The following COX7B2 variants were observed in gnomAD, a reference collection of about 807,000 sequenced individuals.
COX7B2 encodes cytochrome c oxidase subunit 7B2, mitochondrial.
For synonymous variants in COX7B2, 37 were observed against 32.1 expected (o/e 1.15, Z -0.51); for missense variants, 109 against 95.9 (o/e 1.14, Z -0.57).
At chr4:46,791,815 C>G (rs181815486) in intron 2 of COX7B2, among the ~76,000 whole-genome samples, 1 of 152,208 alleles carries the variant, frequency 6.6e-6, no homozygotes, top group Non-Finnish European at 1.5e-5. Flanking sequence ...AACAGGATCC[C>G]TGTATCTGTT....
intron 1 of COX7B2, among the ~76,000 whole-genome samples, chr4:46,863,906 C>T (rs1717489016): frequency 6.6e-6 from 1 of 152,158 alleles, no homozygotes; most frequent in Non-Finnish European, 1.5e-5. Flanking sequence ...GAGTGTTGAG[C>T]AACCTCCATT....
chr4:46,875,556 A>G (rs991744763), intron 1 of COX7B2, among the ~76,000 whole-genome samples: 7 of 152,046 alleles, frequency 4.6e-5, no homozygotes, highest in African/African-American at 1.7e-4. Flanking sequence ...TACCACTTTC[A>G]TCATGTCACA....
intron 2 of COX7B2, among the ~76,000 whole-genome samples, chr4:46,836,356 T>G (rs1460353382): frequency 6.6e-6 from 1 of 151,964 alleles, no homozygotes. Context: ...TTAAAAAATT[T>G]TTTTTTTATA....
chr4:46,787,505 G>A lies in COX7B2; in HGVS notation c.-49-52264C>T, dbSNP rs545368618. 2.5e-4 allele frequency among the ~76,000 whole-genome samples: 38 copies of A among 152,150 alleles called. 1 individual carries two copies. The South Asian group carries it at 6.0e-3, about 24-fold the overall frequency. On this transcript the variant is annotated intron_variant, in intron 2 of 2. Coordinates refer to ENST00000355591, the MANE Select transcript of COX7B2 (RefSeq NM_130902.3). The stretch of plus-strand genomic sequence containing the variant: ...TGACAGCTCTTTCATACCTCATTTG[G>A]TACTTTCACCAGAACGGCTGGCACA...
At chr4:46,897,778 A>T (rs1719848584) in intron 1 of COX7B2, among the ~76,000 whole-genome samples, 1 of 152,160 alleles carries the variant, frequency 6.6e-6, no homozygotes, top group South Asian at 2.1e-4. Flanking sequence ...GACACAAGAG[A>T]TCAGGTCCCC....
intron 2 of COX7B2, among the ~76,000 whole-genome samples, chr4:46,748,511 A>G (rs1277565969): frequency 6.6e-6 from 1 of 152,176 alleles, no homozygotes; most frequent in East Asian, 1.9e-4. Flanking sequence ...ACAACTATTC[A>G]AAAAACCTTG....
At chr4:46,887,172 T>C (rs1031889368) in intron 1 of COX7B2, among the ~76,000 whole-genome samples, 4 of 152,220 alleles carry the variant, frequency 2.6e-5, no homozygotes, top group African/African-American at 7.2e-5. Flanking sequence ...CTGAGAAGCA[T>C]TTTAAGGAAT....
rs559878151 is a variant in COX7B2 at position 46,855,458 on chromosome 4, T to C, written c.-104-10444A>G. ...TTCAGTAAAGATTTTCAATACTTAT[T>C]CCTGATTTAAAATAAAGAGAGAAAA... On this transcript the variant is annotated intron_variant, in intron 1 of 2. Transcript: ENST00000355591. Among the ~76,000 whole-genome samples the C allele has an allele frequency of 2.0e-5, 3 of 152,164 alleles. No homozygotes were observed. In the East Asian group the frequency reaches 5.8e-4, roughly 29 times the overall value.
chr4:46,893,011 G>A (rs1719531714), intron 1 of COX7B2, among the ~76,000 whole-genome samples: 1 of 152,110 alleles, frequency 6.6e-6, no homozygotes, highest in African/African-American at 2.4e-5. Flanking sequence ...TGCCATGATT[G>A]TAAGTTTCCT....
chr4:46,824,003 G>A (rs1201956803), intron 2 of COX7B2, among the ~76,000 whole-genome samples: 3 of 151,810 alleles, frequency 2.0e-5, no homozygotes, highest in African/African-American at 4.8e-5. Flanking sequence ...TAGCTTCAGT[G>A]AAATTTACCA....
intron 2 of COX7B2, among the ~76,000 whole-genome samples, chr4:46,800,874 G>A (rs565134310): frequency 1.3e-5 from 2 of 152,136 alleles, no homozygotes; most frequent in South Asian, 4.1e-4. Flanking sequence ...TTCAACAAAG[G>A]TCTAAGCCCA....
chr4:46,794,885 G>C (rs980223645), intron 2 of COX7B2, among the ~76,000 whole-genome samples: 5 of 152,296 alleles, frequency 3.3e-5, no homozygotes, highest in African/African-American at 9.6e-5. Context: ...TCAAGGTCAA[G>C]TGAACAAAAC....
intron 2 of COX7B2, among the ~76,000 whole-genome samples, chr4:46,777,332 A>G (rs1449576875): frequency 3.3e-5 from 5 of 152,106 alleles, no homozygotes; most frequent in African/African-American, 1.2e-4. Context: ...CTTTTATCAA[A>G]GAGCAGATAA....
intron 2 of COX7B2, among the ~76,000 whole-genome samples, chr4:46,770,153 A>T (rs577816323): frequency 1.3e-5 from 2 of 152,360 alleles, no homozygotes; most frequent in South Asian, 4.1e-4. Context: ...CAGTTTCAGG[A>T]TAAAAAAATC....
intron 1 of COX7B2, among the ~76,000 whole-genome samples, chr4:46,903,720 G>A (rs1025264528): frequency 6.6e-6 from 1 of 152,112 alleles, no homozygotes; most frequent in Non-Finnish European, 1.5e-5. Context: ...TGACCATTGT[G>A]TTACAAGGAC....
At chr4:46,804,423 T>G (rs951214300) in intron 2 of COX7B2, among the ~76,000 whole-genome samples, 1 of 152,080 alleles carries the variant, frequency 6.6e-6, no homozygotes, top group African/African-American at 2.4e-5. Flanking sequence ...TGGTCTGTTT[T>G]AGAGAGAGCT....
chr4:46,827,217 G>A (rs1714756770), intron 2 of COX7B2, among the ~76,000 whole-genome samples: 1 of 151,816 alleles, frequency 6.6e-6, no homozygotes, highest in South Asian at 2.1e-4. Context: ...CCCAAATTTG[G>A]TAAAAAGAAA....
At chr4:46,770,306 AC>A (rs1716801990) in intron 2 of COX7B2, among the ~76,000 whole-genome samples, 1 of 152,164 alleles carries the variant, frequency 6.6e-6, no homozygotes, top group African/African-American at 2.4e-5. Context: ...AAAAATCTGT[AC>A]ATTGTAAACT....
At chr4:46,819,676 G>A (rs960752257) in intron 2 of COX7B2, among the ~76,000 whole-genome samples, 3 of 152,188 alleles carry the variant, frequency 2.0e-5, no homozygotes, top group African/African-American at 7.2e-5. Flanking sequence ...ACAAGCTTGT[G>A]TTAAAGCAGT....
Sources: gnomAD v4.1 joint callset for allele counts (sites outside exome capture counted in the v4.1 genomes callset) on GRCh38, gnomAD v4.1.1 for gene constraint, MANE v1.5 for transcripts, NCBI Gene and HGNC (gene_info 2026-07-23, HGNC 2026-07-21) for gene names.